PBRM1: variants seen among roughly 807,000 people sequenced by gnomAD.
The protein encoded by PBRM1 is protein polybromo-1.
In PBRM1, 27 loss-of-function variants were observed where a neutral mutation model predicts 194.5. The ratio of observed to expected loss-of-function variants is 0.14; its 90% CI spans 0.10 to 0.19. The LOEUF (loss-of-function observed/expected upper bound fraction) is 0.19. PBRM1 is among the 10% of genes least tolerant of loss of function. The probability of loss-of-function intolerance (pLI) is 1.00; values close to 1 mark genes in which losing one functional copy is unlikely to be tolerated. For missense variants in PBRM1, 1,466 were observed against 2,077.2 expected (o/e 0.71, Z 5.72); for synonymous variants, 655 against 693.2 (o/e 0.94, Z 0.87).
intron 2 of PBRM1, among the ~76,000 whole-genome samples, chr3:52,674,627 C>CAAAAA (rs869059650): frequency 0.012 from 1,262 of 108,830 alleles, 13 homozygotes; most frequent in African/African-American, 0.022. Flanking sequence ...CTGTCTCTAC[C>CAAAAA]AAAAAAAAAA....
intron 16 of PBRM1, among the ~76,000 whole-genome samples, chr3:52,608,659 G>A (rs2094468083): frequency 1.3e-5 from 2 of 150,120 alleles, no homozygotes; most frequent in Admixed American, 6.6e-5. Context: ...TTTTCCAACT[G>A]TCTCTAAGTG....
chr3:52,575,409 A>G (rs903435480), intron 22 of PBRM1, among the ~76,000 whole-genome samples: 1 of 152,086 alleles, frequency 6.6e-6, no homozygotes, highest in Admixed American at 6.6e-5. Flanking sequence ...AGAAACAAGA[A>G]GGCACAGCCC....
At chr3:52,635,393 C>T (rs1281670816) in intron 10 of PBRM1, among the ~76,000 whole-genome samples, 1 of 152,000 alleles carries the variant, frequency 6.6e-6, no homozygotes, top group African/African-American at 2.4e-5. Context: ...TGGTGAAACC[C>T]CGTCTCTACT....
chr3:52,593,240 T>C (rs561751454), intron 17 of PBRM1, among the ~76,000 whole-genome samples: 91 of 152,170 alleles, frequency 6.0e-4, no homozygotes, highest in African/African-American at 2.1e-3. Context: ...TGAAGTTAGG[T>C]TGTTAATTTG....
At chr3:52,656,515 A>G (rs894375650) in intron 5 of PBRM1, among the ~76,000 whole-genome samples, 1 of 152,156 alleles carries the variant, frequency 6.6e-6, no homozygotes, top group African/African-American at 2.4e-5. Flanking sequence ...AAATACAAAA[A>G]TTAGCCAGGT....
chr3:52,648,648 C>T (rs906250344), intron 6 of PBRM1, among the ~76,000 whole-genome samples: 1 of 152,088 alleles, frequency 6.6e-6, no homozygotes, highest in African/African-American at 2.4e-5. Context: ...AGATAGGTAA[C>T]AAAACCAGAG....
intron 7 of PBRM1, among the ~76,000 whole-genome samples, chr3:52,646,195 T>C (rs2096284503): frequency 6.6e-6 from 1 of 152,206 alleles, no homozygotes; most frequent in South Asian, 2.1e-4. Flanking sequence ...TCTCTCAGAA[T>C]TTCTTAAAAG....
intron 26 of PBRM1, 24 bp downstream of exon 28, chr3:52,558,225 A>C: frequency 6.8e-7 from 1 of 1,475,384 alleles, no homozygotes; most frequent in Non-Finnish European, 9.0e-7. Flanking sequence ...AGTGGAAAAA[A>C]ATGGTCTTAG....
At chr3:52,580,167 C>A (rs1332745851) in intron 20 of PBRM1, among the ~76,000 whole-genome samples, 1 of 151,942 alleles carries the variant, frequency 6.6e-6, no homozygotes. Context: ...TTGGGCCTGG[C>A]AATTGGAGTT....
At chr3:52,620,308 G>T (rs907124503) in intron 13 of PBRM1, among the ~76,000 whole-genome samples, 11 of 152,106 alleles carry the variant, frequency 7.2e-5, no homozygotes, top group African/African-American at 2.4e-4. Flanking sequence ...TCTCGCATGT[G>T]GGGTGGACTT....
chr3:52,584,029 C>T (rs1386235017), intron 20 of PBRM1, among the ~76,000 whole-genome samples: 3 of 152,142 alleles, frequency 2.0e-5, no homozygotes, highest in Admixed American at 2.0e-4. Context: ...AAAAAAATCC[C>T]TCAGTTCACT....
chr3:52,566,572 G>C (rs1034453777), intron 22 of PBRM1, among the ~76,000 whole-genome samples: 3 of 152,110 alleles, frequency 2.0e-5, no homozygotes, highest in African/African-American at 7.2e-5. Flanking sequence ...GACAAATATT[G>C]TATGATTCCA....
chr3:52,553,492 T>TC, intron 27 of PBRM1, among the ~76,000 whole-genome samples: 1 of 149,282 alleles, frequency 6.7e-6, no homozygotes, highest in East Asian at 2.0e-4. Flanking sequence ...GTCAGGCTTT[T>TC]TTTTTTTTTT....
chr3:52,617,948 C>T (rs1351034430), intron 13 of PBRM1, among the ~76,000 whole-genome samples: 1 of 152,076 alleles, frequency 6.6e-6, no homozygotes, highest in East Asian at 1.9e-4. Context: ...CTTCCAAGTA[C>T]AAAAACAAAA....
At chr3:52,575,508 CTTTT>C (rs1177139118) in intron 22 of PBRM1, among the ~76,000 whole-genome samples, 17 of 87,138 alleles carry the variant, frequency 2.0e-4, no homozygotes, top group Non-Finnish European at 2.2e-4. Context: ...AATCAATTGT[CTTTT>C]TTTTTTTTTT....
intron 17 of PBRM1, among the ~76,000 whole-genome samples, chr3:52,594,020 G>C (rs1476464655): frequency 6.6e-6 from 1 of 152,192 alleles, no homozygotes; most frequent in Non-Finnish European, 1.5e-5. Context: ...AGTACCGTCA[G>C]TTGGGTATTA....
chr3:52,547,432 T>G (rs2079821118), downstream of PBRM1: 1 of 233,266 alleles, frequency 4.3e-6, no homozygotes, highest in Admixed American at 5.6e-5. Context: ...AGTGAGCCTC[T>G]GAGTTAATAG....
chr3:52,685,113 T>A (rs911225015), intron 1 of PBRM1, among the ~76,000 whole-genome samples: 1 of 152,242 alleles, frequency 6.6e-6, no homozygotes, highest in Non-Finnish European at 1.5e-5. Flanking sequence ...AGAATTTCTA[T>A]ATCCACTATA....
intron 22 of PBRM1, among the ~76,000 whole-genome samples, chr3:52,572,474 G>C (rs1045043182): frequency 2.6e-5 from 4 of 152,044 alleles, no homozygotes; most frequent in African/African-American, 9.7e-5. Flanking sequence ...ACAGGTTCTA[G>C]CGATTCTCCT....
Sources: allele counts gnomAD v4.1 joint callset (sites outside exome capture counted in the v4.1 genomes callset), GRCh38; gene constraint gnomAD v4.1.1; transcripts MANE v1.5; gene names NCBI Gene and HGNC (gene_info 2026-07-23, HGNC 2026-07-21).